The following UGT2B11 variants were observed in gnomAD, a reference collection of about 807,000 sequenced individuals.
UGT2B11 encodes UDP-glucuronosyltransferase 2B11.
Under a neutral mutation model 51.7 loss-of-function variants are expected in UGT2B11, and 49 were observed. The ratio of observed to expected loss-of-function variants is 0.95; its 90% CI spans 0.75 to 1.20. The LOEUF is 1.20. Ranked by LOEUF, UGT2B11 falls within the 50% of genes most tolerant of loss-of-function variation. UGT2B11 has a pLI of 0.00. For synonymous variants in UGT2B11, 273 were observed against 209.0 expected, an observed-to-expected ratio of 1.31 and a Z score of -2.64; for missense variants, 810 against 622.1, an observed-to-expected ratio of 1.30 and a Z score of -3.21.
Position 69,200,527 on chromosome 4 carries a change from C to G in UGT2B11, c.1503G>C (p.Val501=). ...TTGTGATGATAAATATCACAGTTGC[C>G]ACACAGGCCAGCAGAAACCCAATCA... ...LDVIGFLLAC[V]ATVIFIITKF... is the part of the protein sequence containing the mutation. Residue 501 remains valine (V), a synonymous_variant, in exon 6 of 6, where the codon GTG becomes GTC. Transcript: ENST00000446444. The G allele has an allele frequency of 6.2e-7, 1 of 1,612,190 alleles. No individual in the cohort carries two copies. Among genetic ancestry groups the G allele is most frequent in the African/African-American group, 1.3e-5 (1 of 74,806 alleles).
intron 2 of UGT2B11, chr4:69,211,292 G>C (rs1722053228): frequency 6.6e-6 from 1 of 151,486 alleles, no homozygotes; most frequent in Non-Finnish European, 1.5e-5. Flanking sequence ...TTTTAAGCTG[G>C]AATACTGGTG....
At chr4:69,206,305 A>G (rs953834735) in intron 3 of UGT2B11, among the ~76,000 whole-genome samples, 14 of 151,380 alleles carry the variant, frequency 9.2e-5, no homozygotes, top group African/African-American at 3.4e-4. Flanking sequence ...TAAAAAAAAC[A>G]AAAATATGTA....
chr4:69,222,505 C>T, the UGT2B11 span, among the ~76,000 whole-genome samples: 1 of 152,206 alleles, frequency 6.6e-6, no homozygotes, highest in African/African-American at 2.4e-5. Context: ...AGGGTCTACA[C>T]TGAGGACTGC....
chr4:69,200,755 T>A, intron 5 of UGT2B11, 36 bp from the exon 6 acceptor site: 1 of 1,574,456 alleles, frequency 6.4e-7, no homozygotes, highest in Admixed American at 1.8e-5. Context: ...ACACTGAAAG[T>A]AAGTTAATTT....
Position 69,200,734 on chromosome 4 carries a change from T to C in UGT2B11, c.1311-15A>G, listed in dbSNP as rs1721628041. ...TCTCTTTATATCTGAAGGATAAAAA[T>C]AAGGATACCAACACTGAAAGTAAGT... On this transcript the variant is annotated splice_polypyrimidine_tract_variant and intron_variant, in intron 5 of 5. Transcript: ENST00000446444. The C allele has an allele frequency of 1.2e-6, 2 of 1,600,938 alleles. No individual in the cohort carries two copies. Among genetic ancestry groups the C allele is most frequent in the African/African-American group, 1.3e-5 (1 of 74,322 alleles).
chr4:69,209,220 T>C (rs996820700), intron 2 of UGT2B11, among the ~76,000 whole-genome samples: 11 of 151,712 alleles, frequency 7.3e-5, no homozygotes, highest in African/African-American at 2.7e-4. Context: ...TGAATAATTG[T>C]ACCTTTTGGG....
rs1249737671 is a variant in UGT2B11, at chr4:69,200,145, A to G, written c.*295T>C. 3 of 227,700 alleles carry G rather than the reference A, an allele frequency of 1.3e-5. No individual in the cohort carries two copies. The highest frequency in any genetic ancestry group is 2.4e-5 in the Non-Finnish European group (3 of 123,384). The allele number at this position is 227,700 out of a possible 1,614,324, so 14.1% of individuals were successfully genotyped here. The stretch of plus-strand genomic sequence containing the variant: ...TTTCATGTAACTTGTGAATTCAAAC[A>G]ACAAATCTCAATATAAGTGCAACAA... On this transcript the variant is annotated 3_prime_UTR_variant, in exon 6 of 6. Coordinates refer to ENST00000446444, the MANE Select transcript of UGT2B11 (RefSeq NM_001073.3).
At chr4:69,205,278 T>A (rs1239649115) in intron 4 of UGT2B11, among the ~76,000 whole-genome samples, 1 of 151,734 alleles carries the variant, frequency 6.6e-6, no homozygotes, top group Non-Finnish European at 1.5e-5. Context: ...ATAAAGATTA[T>A]CTCTGATTCT....
chr4:69,217,547 A>C (rs1446236986), upstream of UGT2B11, among the ~76,000 whole-genome samples: 4 of 152,080 alleles, frequency 2.6e-5, no homozygotes, highest in East Asian at 1.9e-4. Context: ...CCTCACCTAT[A>C]AGCTCTCTGT....
At chr4:69,223,385 C>G in the UGT2B11 span, among the ~76,000 whole-genome samples, 2 of 152,270 alleles carry the variant, frequency 1.3e-5, no homozygotes, top group South Asian at 4.1e-4. Flanking sequence ...CAGATGTGCT[C>G]AAAGCTCATG....
rs148526499 is a variant in UGT2B11, at chr4:69,214,237, C to A, written c.486G>T (p.Ala162=). Residue 162 remains alanine, a synonymous_variant, in exon 1 of 6, where the codon GCG becomes GCT. Coordinates refer to ENST00000446444, the MANE Select transcript of UGT2B11 (RefSeq NM_001073.3). ...AVFPCGELLA[A]LLNIRFVYSL... is the part of the protein sequence containing the mutation. Reference sequence around the variant, plus strand: ...TGTACACAAACCGTATGTTAAGTAGCGCAGCCAGCAGCTCACCACAGGGAA... The same window carrying A: ...TGTACACAAACCGTATGTTAAGTAGAGCAGCCAGCAGCTCACCACAGGGAA... 12 of 1,613,056 alleles carry A rather than the reference C, an allele frequency of 7.4e-6. No individual in the cohort carries two copies. In the African/African-American group the frequency reaches 1.3e-4, roughly 18 times the overall value.
At chr4:69,215,019 G>A (rs1722222751), upstream of UGT2B11, 1 of 306,702 alleles carries the variant, frequency 3.3e-6, no homozygotes, top group African/African-American at 2.2e-5. Flanking sequence ...ACAGTGGCAA[G>A]TGAGAGAGTC....
intron 5 of UGT2B11, 163 bp downstream of exon 5, chr4:69,204,267 T>C (rs1180738624): frequency 5.8e-6 from 7 of 1,197,872 alleles, no homozygotes; most frequent in Admixed American, 3.1e-5. Context: ...TCAAACACAA[T>C]TTTTAAATAA....
the UGT2B11 span, among the ~76,000 whole-genome samples, chr4:69,223,060 TA>T: frequency 6.6e-6 from 1 of 152,106 alleles, no homozygotes; most frequent in African/African-American, 2.4e-5. Flanking sequence ...AGCTTGTACA[TA>T]AGGGACATCA....
In UGT2B11 at chr4:69,208,495, A is replaced by G. The variant is rs1239123598; in HGVS notation, c.871-13T>C. The G allele has an allele frequency of 2.5e-6, 4 of 1,607,052 alleles. No individual in the cohort carries two copies. Among genetic ancestry groups the G allele is most frequent in the East Asian group, 2.2e-5 (1 of 44,712 alleles). ...ACTCCTCCATTTCCTGTGAAAAAAA[A>G]ATTGTTTCATCACAAAAGAGTATCA... is the stretch of plus-strand genomic sequence containing the variant. On this transcript the variant is annotated splice_polypyrimidine_tract_variant and intron_variant, in intron 2 of 5. Coordinates refer to ENST00000446444, the MANE Select transcript of UGT2B11 (RefSeq NM_001073.3).
intron 1 of UGT2B11, among the ~76,000 whole-genome samples, chr4:69,213,488 G>T (rs888671304): frequency 6.6e-6 from 1 of 151,604 alleles, no homozygotes. Context: ...CACCCTTATT[G>T]ACTTTTGCAT....
upstream of UGT2B11, among the ~76,000 whole-genome samples, chr4:69,218,115 T>C (rs1397799558): frequency 4.6e-5 from 7 of 152,178 alleles, no homozygotes; most frequent in Admixed American, 1.3e-4. Flanking sequence ...ATTTGTTCCA[T>C]AGTCCAATCT....
At chr4:69,220,425 C>T in the UGT2B11 span, among the ~76,000 whole-genome samples, 3 of 144,852 alleles carry the variant, frequency 2.1e-5, no homozygotes, top group South Asian at 4.4e-4. Flanking sequence ...CTGGGTAGTG[C>T]TCTGGTGGTG....
chr4:69,200,833 T>A (rs1483057722), intron 5 of UGT2B11, 114 bp from the exon 6 acceptor site: 3 of 1,248,986 alleles, frequency 2.4e-6, no homozygotes, highest in African/African-American at 3.1e-5. Context: ...TGTCAAAGAA[T>A]TGACAGAGAA....
Sources: allele counts gnomAD v4.1 joint callset (sites outside exome capture counted in the v4.1 genomes callset), GRCh38; gene constraint gnomAD v4.1.1; transcripts MANE v1.5; gene names NCBI Gene and HGNC (gene_info 2026-07-23, HGNC 2026-07-21).